Variants in PRKAR1A observed in about 807,000 individuals in gnomAD.
PRKAR1A encodes protein kinase cAMP-dependent type I regulatory subunit alpha, also known as cAMP-dependent protein kinase type I-alpha regulatory subunit.
In PRKAR1A, 3 loss-of-function variants were observed where a neutral mutation model predicts 52.0. The ratio of observed to expected loss-of-function variants is 0.06; its 90% CI spans 0.03 to 0.15. PRKAR1A has a LOEUF of 0.15. Ranked by LOEUF, PRKAR1A falls within the 10% of genes least tolerant of loss-of-function variation. PRKAR1A has a pLI of 1.00. For missense variants in PRKAR1A, 240 were observed against 477.4 expected, an observed-to-expected ratio of 0.50 and a Z score of 4.63; for synonymous variants, 188 against 168.4, an observed-to-expected ratio of 1.12 and a Z score of -0.90.
At chr17:68,520,254 T>C (rs759498586) in intron 2 of PRKAR1A, among the ~76,000 whole-genome samples, 40 of 151,656 alleles carry the variant, frequency 2.6e-4, no homozygotes, top group South Asian at 4.2e-4. Context: ...GTCAGTGGGG[T>C]GGGAAGTATA....
chr17:68,484,867 A>C, the PRKAR1A span, among the ~76,000 whole-genome samples: 3 of 152,246 alleles, frequency 2.0e-5, no homozygotes, highest in Admixed American at 1.3e-4. Context: ...ATGAAAATAA[A>C]AGTGGGGAGT....
the PRKAR1A span, among the ~76,000 whole-genome samples, chr17:68,418,433 C>T: frequency 6.8e-6 from 1 of 146,758 alleles, no homozygotes; most frequent in African/African-American, 2.5e-5. Context: ...CTATTCCAAA[C>T]TGTAGGCAAA....
chr17:68,513,598 G>T (rs2143116509), intron 1 of PRKAR1A, among the ~76,000 whole-genome samples: 1 of 152,308 alleles, frequency 6.6e-6, no homozygotes, highest in East Asian at 1.9e-4. Flanking sequence ...ATTGTGTGTG[G>T]GGAGGGAAGG....
At chr17:68,550,347 T>C (rs186370834) in intron 11 of PRKAR1A, among the ~76,000 whole-genome samples, 1 of 149,428 alleles carries the variant, frequency 6.7e-6, no homozygotes, top group Admixed American at 6.7e-5. Context: ...TTTGGATCTT[T>C]CACATAGGAA....
At chr17:68,415,687 A>C in the PRKAR1A span, among the ~76,000 whole-genome samples, 1 of 152,114 alleles carries the variant, frequency 6.6e-6, no homozygotes, top group East Asian at 1.9e-4. Flanking sequence ...ATTATTTTAT[A>C]AATTTGGGAG....
the PRKAR1A span, among the ~76,000 whole-genome samples, chr17:68,477,810 C>T: frequency 1.8e-4 from 27 of 152,032 alleles, no homozygotes; most frequent in African/African-American, 5.8e-4. Context: ...GCAACCTCCA[C>T]CTCCCGGGTT....
chr17:68,429,995 C>T, the PRKAR1A span: 14 of 1,614,030 alleles, frequency 8.7e-6, no homozygotes, highest in Middle Eastern at 1.6e-4. Flanking sequence ...ATTGTACGTA[C>T]GTTGAGAGGG....
intron 11 of PRKAR1A, among the ~76,000 whole-genome samples, chr17:68,538,908 G>A (rs139291032): frequency 3.3e-5 from 5 of 152,296 alleles, no homozygotes; most frequent in Non-Finnish European, 5.9e-5. Context: ...ATGGGGATAT[G>A]TTCTGAGAAA....
At chr17:68,436,392 C>T in the PRKAR1A span, 1 of 1,613,854 alleles carries the variant, frequency 6.2e-7, no homozygotes, top group Non-Finnish European at 8.5e-7. Flanking sequence ...CAGGGAGTTT[C>T]CATCATAAAG....
At chr17:68,426,254 G>GGGGGCCCCCCCCCCCCCCCCCCCCCC in the PRKAR1A span, 1 of 816,924 alleles carries the variant, frequency 1.2e-6, no homozygotes, top group Non-Finnish European at 1.9e-6. Flanking sequence ...GGGAGCGGGG[G>GGGGGCCCCCCCCCCCCCCCCCCCCCC]CTCAAATAAA....
rs2086001169 is a variant in PRKAR1A, at chr17:68,532,404, T to C, written c.*1955T>C. ...TTTACTCTTAAATCATTTGGTTAAA[T>C]CATTTGGCTTGCTGTTTACTCCCTT... is the stretch of plus-strand genomic sequence containing the variant. On this transcript the variant is annotated 3_prime_UTR_variant, in exon 11 of 11. Transcript: ENST00000589228. 16 of 1,059,008 alleles carry C rather than the reference T, an allele frequency of 1.5e-5. No individual in the cohort carries two copies. The highest frequency in any genetic ancestry group is 1.7e-5 in the Non-Finnish European group (15 of 873,494). 65.6% of individuals were successfully genotyped at this position (1,059,008 alleles called of 1,614,324 possible).
At chr17:68,535,937 C>G (rs747723937), downstream of PRKAR1A, 5 of 454,066 alleles carry the variant, frequency 1.1e-5, no homozygotes, top group South Asian at 7.8e-5. Flanking sequence ...CTTACTCTCT[C>G]TGAGATTTAA....
the PRKAR1A span, among the ~76,000 whole-genome samples, chr17:68,460,881 T>TA: frequency 6.6e-6 from 1 of 152,208 alleles, no homozygotes; most frequent in African/African-American, 2.4e-5. Context: ...AGTCCATTCA[T>TA]ATAAAAAGCC....
chr17:68,457,074 C>T, the PRKAR1A span, among the ~76,000 whole-genome samples: 3 of 152,212 alleles, frequency 2.0e-5, no homozygotes, highest in Non-Finnish European at 4.4e-5. Context: ...CCCGCAGCCC[C>T]ACCACTCCCT....
the PRKAR1A span, among the ~76,000 whole-genome samples, chr17:68,493,137 TG>T: frequency 2.8e-5 from 2 of 70,690 alleles, no homozygotes; most frequent in Admixed American, 1.8e-4. Flanking sequence ...GTCAGAGGGG[TG>T]GGGGTTGTGG....
At chr17:68,444,512 A>T in the PRKAR1A span, 1 of 1,613,940 alleles carries the variant, frequency 6.2e-7, no homozygotes, top group African/African-American at 1.3e-5. Context: ...TTGCAGGAAT[A>T]TCCAGGAGGG....
In PRKAR1A at chr17:68,540,946, A is replaced by G. The variant is rs781432698; in HGVS notation, c.974-10138A>G. ...GTTTCACTGTGTCACAGTAAAGGGG[A>G]TTGACCTCCCACCTGAGGGGGAGAA... is the stretch of plus-strand genomic sequence containing the variant. On this transcript the variant is annotated intron_variant, in intron 11 of 11. Coordinates refer to the PRKAR1A transcript ENST00000585981. The G allele has an allele frequency of 1.6e-5, 25 of 1,591,910 alleles. No homozygotes were observed. The Admixed American group carries it at 4.2e-4, about 27-fold the overall frequency.
chr17:68,495,200 T>C, the PRKAR1A span, among the ~76,000 whole-genome samples: 1 of 152,162 alleles, frequency 6.6e-6, no homozygotes, highest in African/African-American at 2.4e-5. Context: ...CTAATTTTTT[T>C]AAAAGTTTCT....
chr17:68,538,861 T>C (rs1466038707), intron 11 of PRKAR1A, among the ~76,000 whole-genome samples: 2 of 152,156 alleles, frequency 1.3e-5, no homozygotes, highest in Non-Finnish European at 2.9e-5. Context: ...GTGGGGGAAA[T>C]TTTGATAGTT....
Sources: gnomAD v4.1 joint callset for allele counts (sites outside exome capture counted in the v4.1 genomes callset) on GRCh38, gnomAD v4.1.1 for gene constraint, MANE v1.5 for transcripts, NCBI Gene and HGNC (gene_info 2026-07-23, HGNC 2026-07-21) for gene names.